LRRIQ3: variants seen among roughly 807,000 people sequenced by gnomAD.
LRRIQ3 encodes the protein leucine-rich repeat and IQ domain-containing protein 3.
Under a neutral mutation model 59.3 loss-of-function variants are expected in LRRIQ3, and 75 were observed. That is an observed-to-expected ratio of 1.26 (90% CI 1.05 to 1.53). LRRIQ3 has a LOEUF of 1.53. Ranked by LOEUF, LRRIQ3 falls within the 40% of genes most tolerant of loss-of-function variation. The probability of loss-of-function intolerance (pLI) is 0.00; values close to 1 mark genes in which losing one functional copy is unlikely to be tolerated. For missense variants in LRRIQ3, 831 were observed against 710.0 expected (o/e 1.17, Z -1.94); for synonymous variants, 250 against 231.3 (o/e 1.08, Z -0.73).
intron 3 of LRRIQ3, among the ~76,000 whole-genome samples, chr1:74,159,206 A>C (rs1156876335): frequency 6.6e-6 from 1 of 152,176 alleles, no homozygotes; most frequent in Non-Finnish European, 1.5e-5. Context: ...CTATTGCAAT[A>C]GTTCCTTTCC....
intron 6 of LRRIQ3, among the ~76,000 whole-genome samples, chr1:74,064,161 C>T (rs766245384): frequency 1.3e-5 from 2 of 151,526 alleles, no homozygotes; most frequent in Non-Finnish European, 3.0e-5. Context: ...TGTAATTATA[C>T]TGTATATATA....
intron 6 of LRRIQ3, among the ~76,000 whole-genome samples, chr1:74,073,718 T>C (rs975600389): frequency 2.6e-5 from 4 of 151,990 alleles, no homozygotes; most frequent in Non-Finnish European, 5.9e-5. Context: ...CCAATTCATA[T>C]GCAAAGAAGA....
chr1:74,121,807 C>G lies in LRRIQ3; in HGVS notation c.708-12254G>C, dbSNP rs1646861491. On this transcript the variant is annotated intron_variant, in intron 4 of 7. Transcript: ENST00000354431. ...GTCCATGTGTTCTCAGTGTTCAATT[C>G]CCACCTATGAGTGAGAACATGCAGT... 2.1e-5 allele frequency among the ~76,000 whole-genome samples: 3 copies of G among 140,728 alleles called. No homozygotes were observed. In the Admixed American group the frequency reaches 2.4e-4, roughly 11 times the overall value. 92.3% of individuals were successfully genotyped at this position (140,728 alleles called of 152,430 possible). A position where few individuals can be genotyped will look rare whatever the true frequency, so the allele number is the denominator to read the frequency against.
intron 5 of LRRIQ3, chr1:74,108,988 A>C (rs1439103107): frequency 3.5e-6 from 1 of 285,518 alleles, no homozygotes; most frequent in African/African-American, 2.3e-5. Flanking sequence ...AATTTCTTTC[A>C]ATTTCCACTG....
chr1:74,104,699 G>T (rs980132941), intron 5 of LRRIQ3, among the ~76,000 whole-genome samples: 2 of 151,926 alleles, frequency 1.3e-5, no homozygotes, highest in Admixed American at 6.6e-5. Context: ...AGAGTACAAA[G>T]AATTTTTAGG....
intron 1 of LRRIQ3, among the ~76,000 whole-genome samples, chr1:74,195,450 T>C (rs112151643): frequency 6.6e-6 from 1 of 152,166 alleles, no homozygotes; most frequent in African/African-American, 2.4e-5. Context: ...TATATGCCTG[T>C]AGTAATAAAA....
intron 3 of LRRIQ3, among the ~76,000 whole-genome samples, chr1:74,171,733 C>A (rs1649333512): frequency 6.6e-6 from 1 of 152,038 alleles, no homozygotes; most frequent in Admixed American, 6.6e-5. Context: ...CTTTAAAATT[C>A]ATATATAAAG....
chr1:74,141,309 GA>G (rs1395239084), intron 4 of LRRIQ3, among the ~76,000 whole-genome samples: 3 of 151,714 alleles, frequency 2.0e-5, no homozygotes, highest in Admixed American at 6.6e-5. Context: ...GTACATGATA[GA>G]TTATCAATTC....
chr1:74,047,006 T>C lies in LRRIQ3; in HGVS notation c.998-5073A>G, dbSNP rs966891499. ...AATGCTTTTACACTGTTGGTGGAAG[T>C]GTAAATTAGTTCAACCATTGTGGGA... On this transcript the variant is annotated intron_variant, in intron 6 of 7. Transcript: ENST00000354431. 3.3e-5 allele frequency among the ~76,000 whole-genome samples: 5 copies of C among 152,170 alleles called. No individual in the cohort carries two copies. The East Asian group carries it at 9.7e-4, about 29-fold the overall frequency.
chr1:74,131,509 T>C (rs1243811565), intron 4 of LRRIQ3, among the ~76,000 whole-genome samples: 1 of 152,084 alleles, frequency 6.6e-6, no homozygotes, highest in African/African-American at 2.4e-5. Context: ...CAGCAGCACA[T>C]CAAAAAGCTT....
At chr1:74,178,159 A>T (rs1649759093) in intron 3 of LRRIQ3, among the ~76,000 whole-genome samples, 1 of 151,884 alleles carries the variant, frequency 6.6e-6, no homozygotes. Context: ...TTTTATGTTC[A>T]TCTGTTCACC....
At chr1:74,109,595 C>T (rs775414040) in intron 4 of LRRIQ3, 42 bp from the exon 5 acceptor site, 5 of 1,497,964 alleles carry the variant, frequency 3.3e-6, no homozygotes, top group South Asian at 1.4e-5. Flanking sequence ...TAGTTTTTTG[C>T]CATTAAAAAA....
At chr1:74,108,000 A>G (rs1031407070) in intron 5 of LRRIQ3, among the ~76,000 whole-genome samples, 13 of 151,768 alleles carry the variant, frequency 8.6e-5, no homozygotes, top group African/African-American at 3.1e-4. Context: ...AACCTTGACA[A>G]TGGTACATTT....
intron 7 of LRRIQ3, among the ~76,000 whole-genome samples, chr1:74,030,189 A>G (rs1221649976): frequency 6.6e-6 from 1 of 152,082 alleles, no homozygotes; most frequent in African/African-American, 2.4e-5. Context: ...AAATGGTCAT[A>G]TTGCCCAAGG....
intron 4 of LRRIQ3, among the ~76,000 whole-genome samples, chr1:74,147,392 A>G (rs1289087067): frequency 2.6e-5 from 4 of 152,220 alleles, no homozygotes; most frequent in East Asian, 1.9e-4. Context: ...GTCAACCATG[A>G]AAGATTCTAA....
chr1:74,162,393 T>A (rs1050993017), intron 3 of LRRIQ3, among the ~76,000 whole-genome samples: 1 of 151,826 alleles, frequency 6.6e-6, no homozygotes, highest in Non-Finnish European at 1.5e-5. Flanking sequence ...GAACAAAAGA[T>A]GCTTAGGCAA....
chr1:74,164,953 T>C (rs979333122), intron 3 of LRRIQ3, among the ~76,000 whole-genome samples: 5 of 151,560 alleles, frequency 3.3e-5, no homozygotes, highest in African/African-American at 1.2e-4. Context: ...TTTGTACCTT[T>C]GCCAAAATTC....
At chr1:74,059,377 T>C (rs1345179004) in intron 6 of LRRIQ3, among the ~76,000 whole-genome samples, 3 of 149,238 alleles carry the variant, frequency 2.0e-5, no homozygotes, top group Non-Finnish European at 2.9e-5. Context: ...TTTTAATGCC[T>C]ATGTTTAGAT....
In LRRIQ3 at chr1:74,155,861, T is replaced by A. The variant is rs752069741; in HGVS notation, c.579A>T (p.Thr193=). 2 of 1,402,432 alleles carry A rather than the reference T, an allele frequency of 1.4e-6. No homozygotes were observed. The highest frequency in any genetic ancestry group is 1.9e-6 in the Non-Finnish European group (2 of 1,040,026). 86.9% of individuals were successfully genotyped at this position (1,402,432 alleles called of 1,614,324 possible). The change falls in exon 4 of 8, where the codon ACA becomes ACT. Residue 193 remains threonine, a synonymous_variant. Transcript: ENST00000354431. ...FNFCPALRKG[T]TYEEEINNIK... Reference sequence around the variant, plus strand: ...TATTATTAATTTCCTCTTCATAGGTTGTTCCCTGTATAAAGAAAATATAAT... The same window carrying A: ...TATTATTAATTTCCTCTTCATAGGTAGTTCCCTGTATAAAGAAAATATAAT...
Sources: allele counts gnomAD v4.1 joint callset (sites outside exome capture counted in the v4.1 genomes callset), GRCh38; gene constraint gnomAD v4.1.1; transcripts MANE v1.5; gene names NCBI Gene and HGNC (gene_info 2026-07-23, HGNC 2026-07-21).